UTP20: variants seen among roughly 807,000 people sequenced by gnomAD.
The protein encoded by UTP20 is UTP20 small subunit processome component.
A neutral mutation model predicts 329.5 loss-of-function variants in UTP20; 164 were observed. That is an observed-to-expected ratio of 0.50 (90% CI 0.44 to 0.57). The LOEUF (loss-of-function observed/expected upper bound fraction) is 0.57, where lower values mean the gene tolerates loss of function less well. Among genes scored for constraint, UTP20 ranks in the 20% least tolerant of loss-of-function variants. UTP20 has a pLI of 0.00. For missense variants in UTP20, 3,055 were observed against 3,284.2 expected (o/e 0.93, Z 1.71); for synonymous variants, 1,151 against 1,159.3 (o/e 0.99, Z 0.14).
At chr12:101,329,539 T>C in intron 27 of UTP20, 90 bp downstream of exon 27, 6 of 1,276,984 alleles carry the variant, frequency 4.7e-6, no homozygotes, top group Non-Finnish European at 6.5e-6. Flanking sequence ...ATAAGGTATC[T>C]TCCAACTCTC....
intron 43 of UTP20, among the ~76,000 whole-genome samples, chr12:101,360,306 G>A (rs2120995320): frequency 6.6e-6 from 1 of 152,318 alleles, no homozygotes; most frequent in Middle Eastern, 3.4e-3. Context: ...GGTGGCCGAA[G>A]TGGGAGGTGA....
chr12:101,342,274 T>C (rs1195685395), intron 32 of UTP20, among the ~76,000 whole-genome samples, 172 bp from the exon 33 acceptor site: 1 of 152,194 alleles, frequency 6.6e-6, no homozygotes, highest in African/African-American at 2.4e-5. Context: ...TTCTTATGGG[T>C]TTTACATTAA....
chr12:101,295,738 AT>A lies in UTP20; in HGVS notation c.1430+81del, dbSNP rs1872325476. 4.3e-6 allele frequency: 6 copies of A among 1,383,414 alleles called. No individual in the cohort carries two copies. In the East Asian group the frequency reaches 1.5e-4, roughly 34 times the overall value. The allele number at this position is 1,383,414 out of a possible 1,614,324, so 85.7% of individuals were successfully genotyped here. A position where few individuals can be genotyped will look rare whatever the true frequency, so the allele number is the denominator to read the frequency against. ...AATGTATCAAGAATACTGTAAAAAA[AT>A]GATCTATATGTAACAGGAAAGATGT... On this transcript the variant is annotated intron_variant, in intron 12 of 61. Transcript: ENST00000261637.
intron 2 of UTP20, among the ~76,000 whole-genome samples, chr12:101,281,592 G>A (rs541450556): frequency 6.6e-6 from 1 of 152,290 alleles, no homozygotes; most frequent in African/African-American, 2.4e-5. Context: ...TTTTGAGGAA[G>A]CCCTTTTCCC....
chr12:101,306,186 C>T (rs1040692763), intron 16 of UTP20, 121 bp downstream of exon 16: 15 of 1,249,530 alleles, frequency 1.2e-5, no homozygotes, highest in East Asian at 5.3e-5. Flanking sequence ...CTGTTTAAAG[C>T]GATGATTCTT....
chr12:101,308,748 T>C (rs1374641310), intron 18 of UTP20, among the ~76,000 whole-genome samples: 2 of 150,230 alleles, frequency 1.3e-5, no homozygotes, highest in African/African-American at 2.5e-5. Context: ...TTTTTTTTTT[T>C]TGGAGATGGA....
intron 2 of UTP20, 106 bp downstream of exon 2, chr12:101,281,302 A>G (rs963828714): frequency 1.0e-6 from 1 of 988,286 alleles, no homozygotes; most frequent in Non-Finnish European, 1.5e-6. Context: ...TGGACATGAA[A>G]TGCTTTAGAC....
intron 22 of UTP20, 44 bp downstream of exon 22, chr12:101,317,707 G>A: frequency 6.5e-7 from 1 of 1,550,174 alleles, no homozygotes; most frequent in Non-Finnish European, 8.7e-7. Flanking sequence ...ACAGTTCTGG[G>A]AGGAACAGGA....
chr12:101,310,319 T>C (rs1872746529), intron 19 of UTP20, among the ~76,000 whole-genome samples: 1 of 152,056 alleles, frequency 6.6e-6, no homozygotes, highest in African/African-American at 2.4e-5. Flanking sequence ...CTCATGCCTG[T>C]AATCCCAGCA....
At chr12:101,361,348 G>A (rs1869909460) in intron 43 of UTP20, among the ~76,000 whole-genome samples, 1 of 152,058 alleles carries the variant, frequency 6.6e-6, no homozygotes, top group African/African-American at 2.4e-5. Context: ...TCTTGGCCAG[G>A]CATGGTGGCT....
At chr12:101,331,616 ATCAGAT>A (rs1868764175) in intron 27 of UTP20, among the ~76,000 whole-genome samples, 1 of 152,234 alleles carries the variant, frequency 6.6e-6, no homozygotes, top group African/African-American at 2.4e-5. Context: ...AATGTGCTGT[ATCAGAT>A]TCAAATACCT....
chr12:101,316,861 A>G (rs1274107970), intron 21 of UTP20, among the ~76,000 whole-genome samples: 2 of 152,242 alleles, frequency 1.3e-5, no homozygotes, highest in Non-Finnish European at 2.9e-5. Context: ...TTTAATAAGA[A>G]CAAAGTGAAT....
At chr12:101,375,855 T>G (rs1870453283) in intron 56 of UTP20, 99 bp downstream of exon 56, 1 of 732,076 alleles carries the variant, frequency 1.4e-6, no homozygotes. Context: ...TCAGAAAGTA[T>G]ACAATGTCAG....
intron 4 of UTP20, 74 bp from the exon 5 acceptor site, chr12:101,286,247 A>G: frequency 7.6e-7 from 1 of 1,324,304 alleles, no homozygotes; most frequent in Non-Finnish European, 1.0e-6. Flanking sequence ...ATCATAGGCC[A>G]CCTACTATCG....
intron 8 of UTP20, chr12:101,291,120 T>C: frequency 2.6e-6 from 1 of 381,250 alleles, no homozygotes; most frequent in South Asian, 6.7e-5. Context: ...TGTTTGAATC[T>C]TGACCCTTCC....
chr12:101,382,282 C>G (rs781037124), intron 58 of UTP20, among the ~76,000 whole-genome samples: 2 of 151,258 alleles, frequency 1.3e-5, no homozygotes, highest in Non-Finnish European at 2.9e-5. Flanking sequence ...GCCTGTAGTC[C>G]CAGTTGCTGG....
rs1243132182 is a variant in UTP20, at chr12:101,345,555, G to A, written c.4607G>A (p.Ser1536Asn). 1.3e-6 allele frequency: 2 copies of A among 1,550,390 alleles called. No individual in the cohort carries two copies. The highest frequency in any genetic ancestry group is 2.8e-5 in the African/African-American group (2 of 72,546). The change falls in exon 37 of 62, where the codon AGT becomes AAT. Residue 1536 changes from serine to asparagine, a missense_variant and splice_region_variant. Ser to Asn is a conservative substitution (Grantham distance 46). Around this residue, in one of 3 missense-constraint regions of UTP20, gnomAD observed 2,445 missense variants for 2,575.5 expected, o/e 0.95. Coordinates refer to ENST00000261637, the MANE Select transcript of UTP20 (RefSeq NM_014503.3). Reference protein sequence around the residue: ...LRKGLKSQTESIQQDYTTILS... With the variant: ...LRKGLKSQTENIQQDYTTILS... Reference sequence around the variant, plus strand: ...TTTTTCTCCACTTCATATTTACAGAGTATTCAGCAGGATTATACCACAATA... The same window carrying A: ...TTTTTCTCCACTTCATATTTACAGAATATTCAGCAGGATTATACCACAATA...
At chr12:101,370,258 C>T (rs1434038709) in intron 49 of UTP20, among the ~76,000 whole-genome samples, 174 bp from the exon 50 acceptor site, 5 of 152,090 alleles carry the variant, frequency 3.3e-5, no homozygotes, top group African/African-American at 1.2e-4. Context: ...GTTAGTTTTC[C>T]CCATTGCCCT....
At position 101,295,599 on chromosome 12, in the gene UTP20, C is replaced by T. The variant is rs768818032; in HGVS notation, c.1371C>T (p.Pro457=). The T allele has an allele frequency of 6.2e-7, 1 of 1,613,298 alleles. No homozygotes were observed. The highest frequency in any genetic ancestry group is 8.5e-7 in the Non-Finnish European group (1 of 1,179,550). The stretch of plus-strand genomic sequence containing the variant: ...TCATTCTGAACAAAGCAGCACCTCC[C>T]ACTGCTGGCTCGATGGCAATTGAAA... The part of the protein sequence containing the change: ...AKLILNKAAP[P]TAGSMAIEKY... The change falls in exon 12 of 62, where the codon CCC becomes CCT. Residue 457 remains proline (P), a synonymous_variant. Transcript: ENST00000261637.
Sources: gnomAD v4.1 joint callset for allele counts (sites outside exome capture counted in the v4.1 genomes callset) on GRCh38, gnomAD v4.1.1 for gene constraint, gnomAD v4.1.1 regional missense constraint, MANE v1.5 for transcripts, NCBI Gene and HGNC (gene_info 2026-07-23, HGNC 2026-07-21) for gene names.